The following RUFY3 variants were observed in gnomAD, a reference collection of about 807,000 sequenced individuals.
The protein encoded by RUFY3 is protein RUFY3.
A neutral mutation model predicts 84.0 loss-of-function variants in RUFY3; 34 were observed. That is an observed-to-expected ratio of 0.40 (90% CI 0.31 to 0.54). The LOEUF is 0.54. Ranked by LOEUF, RUFY3 falls within the 20% of genes least tolerant of loss-of-function variation. The pLI, the probability that RUFY3 is intolerant of heterozygous loss-of-function variation, is 0.39. For missense variants in RUFY3, 507 were observed against 736.8 expected (o/e 0.69, Z 3.61); for synonymous variants, 242 against 252.9 (o/e 0.96, Z 0.41).
chr4:70,722,802 G>A, intron 1 of RUFY3, 51 bp downstream of exon 1: 11 of 1,564,922 alleles, frequency 7.0e-6, no homozygotes, highest in Non-Finnish European at 9.6e-6. Flanking sequence ...TCATTGTTAT[G>A]GGGGAGGGCT....
At chr4:70,726,741 T>A (rs967534782) in intron 1 of RUFY3, among the ~76,000 whole-genome samples, 2 of 152,216 alleles carry the variant, frequency 1.3e-5, no homozygotes, top group Non-Finnish European at 2.9e-5. Context: ...TTTTCCAGAT[T>A]ACATATCCTG....
At chr4:70,709,989 G>A (rs1367582523) in intron 1 of RUFY3, among the ~76,000 whole-genome samples, 4 of 152,150 alleles carry the variant, frequency 2.6e-5, no homozygotes, top group African/African-American at 4.8e-5. Flanking sequence ...GACTGGCAGC[G>A]TTACTATGAC....
At chr4:70,800,345 G>A (rs1732063125) in intron 15 of RUFY3, 140 bp downstream of exon 15, 1 of 625,776 alleles carries the variant, frequency 1.6e-6, no homozygotes, top group Non-Finnish European at 2.7e-6. Flanking sequence ...CATTTGAAGT[G>A]GAAGTTAATA....
intron 8 of RUFY3, among the ~76,000 whole-genome samples, chr4:70,781,337 G>C (rs1000528558): frequency 6.6e-6 from 1 of 151,974 alleles, no homozygotes; most frequent in Non-Finnish European, 1.5e-5. Flanking sequence ...AAAATTAGCC[G>C]GCTGTTGTGG....
At chr4:70,750,784 A>G (rs2148671510) in intron 1 of RUFY3, among the ~76,000 whole-genome samples, 2 of 152,206 alleles carry the variant, frequency 1.3e-5, no homozygotes, top group Middle Eastern at 6.8e-3. Context: ...GTATTTACAT[A>G]TGTCTCTCTC....
intron 12 of RUFY3, chr4:70,792,484 G>T: frequency 1.0e-6 from 1 of 985,098 alleles, no homozygotes. Flanking sequence ...CTTTAACATT[G>T]TAAATAATCC....
chr4:70,765,951 CG>C (rs1725836935), intron 4 of RUFY3, among the ~76,000 whole-genome samples: 1 of 151,806 alleles, frequency 6.6e-6, no homozygotes, highest in African/African-American at 2.4e-5. Flanking sequence ...TTAGTAGAGA[CG>C]GGGTTTCACC....
chr4:70,726,525 C>T (rs1179941203), intron 1 of RUFY3, among the ~76,000 whole-genome samples: 2 of 152,296 alleles, frequency 1.3e-5, no homozygotes, highest in East Asian at 1.9e-4. Context: ...AGGCATGCGC[C>T]ACCACGCCCA....
chr4:70,751,111 G>C lies in RUFY3; in HGVS notation c.179-11408G>C, dbSNP rs376530971. On this transcript the variant is annotated intron_variant, in intron 1 of 17. Transcript: ENST00000381006. The stretch of plus-strand genomic sequence containing the variant: ...TTTAGATTCAGGGGCTACATGCGCA[G>C]GTTTGTTACATGGGTATACTGTGTG... Among the ~76,000 whole-genome samples the C allele has an allele frequency of 8.0e-4, 121 of 152,196 alleles. No homozygotes were observed. The South Asian group carries it at 0.024, about 31-fold the overall frequency.
intron 1 of RUFY3, among the ~76,000 whole-genome samples, chr4:70,727,186 C>T (rs1718401485): frequency 6.6e-6 from 1 of 150,962 alleles, no homozygotes; most frequent in Non-Finnish European, 1.5e-5. Flanking sequence ...TCAGTTAGAC[C>T]TTTAAGCATC....
In RUFY3 at chr4:70,769,804, T is replaced by TTTTTG. The variant is rs1367541605; in HGVS notation, c.696+1153_696+1157dup. Reference sequence around the variant, plus strand: ...TGTGCTGTCTTTGTTGTACCCTTTATTTTTGTTTTGTTTTTGTTTTTGTTT... The same window carrying TTTTTG: ...TGTGCTGTCTTTGTTGTACCCTTTATTTTTGTTTTGTTTTGTTTTTGTTTTTGTTT... On this transcript the variant is annotated intron_variant, in intron 5 of 17. Transcript: ENST00000381006. Among the ~76,000 whole-genome samples the TTTTTG allele has an allele frequency of 3.3e-5, 5 of 151,998 alleles. No homozygotes were observed. The East Asian group carries it at 9.7e-4, about 29-fold the overall frequency.
At chr4:70,728,998 T>G (rs1476464864) in intron 1 of RUFY3, among the ~76,000 whole-genome samples, 1 of 152,014 alleles carries the variant, frequency 6.6e-6, no homozygotes, top group East Asian at 1.9e-4. Flanking sequence ...TCTTTAGAGT[T>G]GGGTGGATAA....
rs1742373862 is a variant in RUFY3, at chr4:70,722,151, C to A, written c.-423C>A. The A allele has an allele frequency of 8.9e-6, 11 of 1,229,520 alleles. No individual in the cohort carries two copies. Among genetic ancestry groups the A allele is most frequent in the Non-Finnish European group, 1.1e-5 (11 of 987,100 alleles). The allele number at this position is 1,229,520 out of a possible 1,614,324, so 76.2% of individuals were successfully genotyped here. On this transcript the variant is annotated 5_prime_UTR_variant, in exon 1 of 18. The change creates a new upstream start codon in the 5' untranslated region. Transcript: ENST00000381006. Reference sequence around the variant, plus strand: ...CAGGTTTTTCTTTTATATTTTTTTTCTGCACAAAGGAGGAGGATTTTTCAC... The same window carrying A: ...CAGGTTTTTCTTTTATATTTTTTTTATGCACAAAGGAGGAGGATTTTTCAC...
chr4:70,793,626 C>A, intron 12 of RUFY3, 159 bp from the exon 13 acceptor site: 17 of 1,485,690 alleles, frequency 1.1e-5, no homozygotes, highest in Non-Finnish European at 1.5e-5. Flanking sequence ...CATCTTTTCC[C>A]CCCCATAATT....
rs184260902 is a variant in RUFY3, at chr4:70,766,026, G to T, written c.572+1450G>T. Reference sequence around the variant, plus strand: ...TCCACCCACCTTGGCCTCCCAAAGTGCTGGGATTACAGGCGTGAGCCCAGC... The same window carrying T: ...TCCACCCACCTTGGCCTCCCAAAGTTCTGGGATTACAGGCGTGAGCCCAGC... On this transcript the variant is annotated intron_variant, in intron 4 of 17. Transcript: ENST00000381006. Among the ~76,000 whole-genome samples the T allele has an allele frequency of 4.4e-4, 67 of 152,210 alleles. 1 individual carries two copies. The highest frequency in any genetic ancestry group is 7.9e-4 in the Admixed American group (12 of 15,276).
chr4:70,754,699 G>C (rs1416135453), intron 1 of RUFY3, among the ~76,000 whole-genome samples: 1 of 151,008 alleles, frequency 6.6e-6, no homozygotes, highest in African/African-American at 2.4e-5. Context: ...ATACGCTAAG[G>C]TCTTTTTAGT....
At chr4:70,784,013 C>T (rs1008437906) in intron 9 of RUFY3, among the ~76,000 whole-genome samples, 1 of 152,128 alleles carries the variant, frequency 6.6e-6, no homozygotes, top group African/African-American at 2.4e-5. Context: ...CTAGGCTCTG[C>T]GAGGGGACAA....
At chr4:70,724,713 G>A (rs1717940263) in intron 1 of RUFY3, among the ~76,000 whole-genome samples, 1 of 152,148 alleles carries the variant, frequency 6.6e-6, no homozygotes, top group Admixed American at 6.5e-5. Context: ...GGGCAAGAAA[G>A]CTATTATTTT....
At chr4:70,804,075 A>G (rs956649615) in intron 16 of RUFY3, among the ~76,000 whole-genome samples, 1 of 152,068 alleles carries the variant, frequency 6.6e-6, no homozygotes, top group Non-Finnish European at 1.5e-5. Flanking sequence ...GAACAAGAGG[A>G]ATGGGATAGT....
Sources: allele counts gnomAD v4.1 joint callset (sites outside exome capture counted in the v4.1 genomes callset), GRCh38; gene constraint gnomAD v4.1.1; transcripts MANE v1.5; gene names NCBI Gene and HGNC (gene_info 2026-07-23, HGNC 2026-07-21).